VPS8: variants seen among roughly 807,000 people sequenced by gnomAD.
VPS8 encodes VPS8 subunit of CORVET complex.
Under a neutral mutation model 216.4 loss-of-function variants are expected in VPS8, and 129 were observed. The ratio of observed to expected loss-of-function variants is 0.60; its 90% CI spans 0.52 to 0.69. The LOEUF is 0.69. Ranked by LOEUF, VPS8 falls within the 30% of genes least tolerant of loss-of-function variation. The probability of loss-of-function intolerance (pLI) is 0.00; values close to 1 mark genes in which losing one functional copy is unlikely to be tolerated. For missense variants in VPS8, 1,531 were observed against 1,683.5 expected (o/e 0.91, Z 1.59); for synonymous variants, 571 against 565.4 (o/e 1.01, Z -0.14).
chr3:185,049,801 T>C (rs569223258), intron 47 of VPS8, among the ~76,000 whole-genome samples: 1 of 152,226 alleles, frequency 6.6e-6, no homozygotes, highest in East Asian at 1.9e-4. Flanking sequence ...GCACTCCCCT[T>C]TCTTAGGCAG....
At chr3:184,902,606 C>T (rs1193551327) in intron 25 of VPS8, among the ~76,000 whole-genome samples, 8 of 151,276 alleles carry the variant, frequency 5.3e-5, no homozygotes, top group South Asian at 2.1e-4. Context: ...CTGAGGTGGG[C>T]GGATCACGAG....
At position 184,915,189 on chromosome 3, in the gene VPS8, A is replaced by AT. The variant is rs1737318379; in HGVS notation, c.2262+136_2262+137insT. On this transcript the variant is annotated intron_variant, in intron 27 of 47. Transcript: ENST00000625842. ...AGGAGAGAGCTTACACACTATTACT[A>AT]AAGTCAATAATTAGAGCTGAGAAAG... 4.5e-6 allele frequency: 6 copies of AT among 1,322,678 alleles called. No individual in the cohort carries two copies. The African/African-American group carries it at 8.8e-5, about 19-fold the overall frequency. The allele number at this position is 1,322,678 out of a possible 1,614,324, so 81.9% of individuals were successfully genotyped here.
rs961179317 is a variant in VPS8, at chr3:184,893,275, G to T, written c.1782-1428G>T. ...AAACCCCATCCTAGTCCTTTCAGGA[G>T]CTTCCTTGATGTTTTTGTGGAACTT... On this transcript the variant is annotated intron_variant, in intron 22 of 47. Transcript: ENST00000625842. The T allele has an allele frequency of 4.7e-6, 6 of 1,288,036 alleles. No individual in the cohort carries two copies. In the South Asian group the frequency reaches 7.4e-5, roughly 16 times the overall value. 79.8% of individuals were successfully genotyped at this position (1,288,036 alleles called of 1,614,324 possible).
Position 184,915,015 on chromosome 3 carries a change from G to A in VPS8, c.2224G>A (p.Asp742Asn), listed in dbSNP as rs1195456028. The A allele has an allele frequency of 6.2e-7, 1 of 1,613,984 alleles. No homozygotes were observed. Among genetic ancestry groups the A allele is most frequent in the Admixed American group, 1.7e-5 (1 of 60,008 alleles). ...AGCAGGTCGTGCCTATCCCCTTGGT[G>A]ACATCCCTGAAGATCTGGTTCCCTT... ...CLAGRAYPLG[D>N]IPEDLVPLVK... Residue 742 changes from aspartate (D) to asparagine (N), a missense_variant, in exon 27 of 48, where the codon GAC (aspartate) becomes AAC (asparagine). Asp to Asn is a conservative substitution (Grantham distance 23). Coordinates refer to ENST00000625842, the MANE Select transcript of VPS8 (RefSeq NM_001009921.3).
rs186001314 is a variant in VPS8, at chr3:184,898,126, G to A, written c.2005-439G>A. On this transcript the variant is annotated intron_variant, in intron 23 of 47. Transcript: ENST00000625842. ...ATCTTCCCCAAGTCTTAACTCACAC[G>A]CCATTTTGTACCCCTACGTCCTTTT... Among the ~76,000 whole-genome samples the A allele has an allele frequency of 1.1e-4, 16 of 150,940 alleles. No individual in the cohort carries two copies. In the East Asian group the frequency reaches 2.9e-3, roughly 27 times the overall value.
At chr3:184,946,915 A>G (rs1426285751) in intron 36 of VPS8, among the ~76,000 whole-genome samples, 1 of 152,150 alleles carries the variant, frequency 6.6e-6, no homozygotes, top group African/African-American at 2.4e-5. Context: ...AAAAACAAGC[A>G]GAAGCTTATT....
At chr3:184,814,064 A>G (rs1715775922) in intron 1 of VPS8, among the ~76,000 whole-genome samples, 2 of 152,252 alleles carry the variant, frequency 1.3e-5, no homozygotes, top group South Asian at 4.1e-4. Context: ...TAGCAAGGAA[A>G]TATAGCTTTG....
At chr3:184,839,906 T>C (rs1196400215) in intron 7 of VPS8, 154 bp downstream of exon 7, 3 of 1,408,148 alleles carry the variant, frequency 2.1e-6, no homozygotes, top group Non-Finnish European at 2.8e-6. Context: ...TAGCTAAAAA[T>C]TATTTGCCTC....
At chr3:184,934,265 G>A (rs1449021232) in intron 34 of VPS8, among the ~76,000 whole-genome samples, 1 of 151,930 alleles carries the variant, frequency 6.6e-6, no homozygotes, top group Non-Finnish European at 1.5e-5. Context: ...CAGCCTCCTG[G>A]GTTCAAATGA....
chr3:184,940,065 T>C, intron 35 of VPS8, 132 bp from the exon 36 acceptor site: 1 of 304,296 alleles, frequency 3.3e-6, no homozygotes, highest in Non-Finnish European at 6.1e-6. Context: ...TTCTTAGATC[T>C]GTACAGAGGG....
chr3:184,894,782 C>T lies in VPS8; in HGVS notation c.1861C>T (p.Pro621Ser), dbSNP rs539429882. Residue 621 changes from proline to serine, a missense_variant, in exon 23 of 48, where the codon CCA becomes TCA. By Grantham distance (74) the Pro-to-Ser change is moderately conservative. This residue lies in a region of VPS8 where 1,318 missense variants were observed against 1,468.4 expected (regional missense o/e 0.90). Transcript: ENST00000625842. ...AGGAGTATTTTTGGAGTGCCTTGAG[C>T]CATATATTTTAAGTGATAAATTGGT... ...AKGVFLECLE[P>S]YILSDKLVGI... 3.1e-6 allele frequency: 5 copies of T among 1,609,846 alleles called. No homozygotes were observed. The highest frequency in any genetic ancestry group is 1.3e-5 in the African/African-American group (1 of 74,798).
Position 184,929,616 on chromosome 3 carries a change from C to T in VPS8, c.2751C>T (p.His917=), listed in dbSNP as rs1225228876. Residue 917 remains histidine, a synonymous_variant, in exon 33 of 48, where the codon CAC becomes CAT. Coordinates refer to ENST00000625842, the MANE Select transcript of VPS8 (RefSeq NM_001009921.3). ...QICEFMYERE[H]QYDKIIDCYL... The stretch of plus-strand genomic sequence containing the variant: ...GTGAATTTATGTATGAAAGAGAACA[C>T]CAATATGATAAAATTATTGATTGCT... The T allele has an allele frequency of 1.3e-6, 2 of 1,537,648 alleles. No individual in the cohort carries two copies. The highest frequency in any genetic ancestry group is 4.9e-5 in the East Asian group (2 of 41,232).
chr3:184,987,525 G>T (rs1220584874), intron 42 of VPS8, among the ~76,000 whole-genome samples: 1 of 152,044 alleles, frequency 6.6e-6, no homozygotes, highest in Non-Finnish European at 1.5e-5. Context: ...TTAGCAATAT[G>T]CACTTAAAGT....
At chr3:184,934,842 A>C (rs1318140687) in intron 34 of VPS8, among the ~76,000 whole-genome samples, 1 of 152,188 alleles carries the variant, frequency 6.6e-6, no homozygotes, top group African/African-American at 2.4e-5. Flanking sequence ...TAAGGTGTCA[A>C]AATGTTACTA....
At chr3:184,886,585 C>T (rs1480530288) in intron 22 of VPS8, among the ~76,000 whole-genome samples, 1 of 145,542 alleles carries the variant, frequency 6.9e-6, no homozygotes, top group South Asian at 2.2e-4. Flanking sequence ...GGTATATATA[C>T]TTTTTTTTTT....
chr3:184,839,632 C>A, intron 6 of VPS8, 66 bp from the exon 7 acceptor site: 1 of 1,491,152 alleles, frequency 6.7e-7, no homozygotes, highest in South Asian at 1.3e-5. Context: ...CCAACAAATT[C>A]AACTCTGATT....
At chr3:184,999,498 C>T (rs1753105569) in intron 44 of VPS8, among the ~76,000 whole-genome samples, 198 bp from the exon 45 acceptor site, 1 of 152,198 alleles carries the variant, frequency 6.6e-6, no homozygotes, top group Non-Finnish European at 1.5e-5. Flanking sequence ...CATAAGTATA[C>T]AAATATATGT....
At chr3:185,003,981 C>T (rs1379124186) in intron 45 of VPS8, among the ~76,000 whole-genome samples, 2 of 151,606 alleles carry the variant, frequency 1.3e-5, no homozygotes, top group Admixed American at 6.6e-5. Context: ...CAGAGACGCT[C>T]CTCACTTCCT....
chr3:184,941,349 G>C (rs1329873078), intron 36 of VPS8, among the ~76,000 whole-genome samples: 1 of 146,516 alleles, frequency 6.8e-6, no homozygotes, highest in Non-Finnish European at 1.5e-5. Flanking sequence ...CTCCACTTGT[G>C]TTCAAGACCT....
Sources: gnomAD v4.1 joint callset for allele counts (sites outside exome capture counted in the v4.1 genomes callset) on GRCh38, gnomAD v4.1.1 for gene constraint, gnomAD v4.1.1 regional missense constraint, MANE v1.5 for transcripts, NCBI Gene and HGNC (gene_info 2026-07-23, HGNC 2026-07-21) for gene names.